MS4A5: variants seen among roughly 807,000 people sequenced by gnomAD.
MS4A5 encodes membrane-spanning 4-domains subfamily A member 5.
MS4A5 carries 15 observed loss-of-function variants against 18.2 expected under a neutral mutation model. The observed-to-expected ratio is 0.83, with a 90% confidence interval of 0.55 to 1.27. The LOEUF is 1.27. Ranked by LOEUF, MS4A5 falls within the 50% of genes most tolerant of loss-of-function variation. MS4A5 has a pLI of 0.00. For synonymous variants in MS4A5, 89 were observed against 78.7 expected, an observed-to-expected ratio of 1.13 and a Z score of -0.69; for missense variants, 232 against 225.7, an observed-to-expected ratio of 1.03 and a Z score of -0.18.
chr11:60,438,018 G>C (rs1346762072), intron 4 of MS4A5, among the ~76,000 whole-genome samples: 1 of 151,982 alleles, frequency 6.6e-6, no homozygotes, highest in African/African-American at 2.4e-5. Flanking sequence ...ACCACATATT[G>C]GGAAGTAAAG....
At chr11:60,447,260 C>T (rs571182033) in intron 4 of MS4A5, among the ~76,000 whole-genome samples, 4 of 151,340 alleles carry the variant, frequency 2.6e-5, no homozygotes, top group Non-Finnish European at 5.9e-5. Flanking sequence ...CTATGCTATG[C>T]TATCCTATGG....
At chr11:60,442,931 A>G (rs1235575446) in intron 4 of MS4A5, among the ~76,000 whole-genome samples, 1 of 152,206 alleles carries the variant, frequency 6.6e-6, no homozygotes, top group Non-Finnish European at 1.5e-5. Flanking sequence ...ACTTGAGGTC[A>G]GGAGTTTGAG....
At position 60,435,295 on chromosome 11, in the gene MS4A5, C is replaced by T. The variant is rs148736219; in HGVS notation, c.492+1378C>T. 365 of 413,890 alleles carry T rather than the reference C, an allele frequency of 8.8e-4. 2 individuals carry two copies. Among genetic ancestry groups the T allele is most frequent in the East Asian group, 6.2e-3 (81 of 13,058 alleles). The allele number at this position is 413,890 out of a possible 1,614,324, so 25.6% of individuals were successfully genotyped here. A position where few individuals can be genotyped will look rare whatever the true frequency, so the allele number is the denominator to read the frequency against. ...AGGCCTAAAAAGAAATAAGACAATGCGAATAACAACTAATAGAAACAGAAC... is the reference window on the plus strand; with the variant it reads ...AGGCCTAAAAAGAAATAAGACAATGTGAATAACAACTAATAGAAACAGAAC... On this transcript the variant is annotated intron_variant, in intron 4 of 4. Transcript: ENST00000300190.
Position 60,432,355 on chromosome 11 carries a change from A to G in MS4A5, c.283-56A>G, listed in dbSNP as rs1035194636. On this transcript the variant is annotated intron_variant, in intron 2 of 4. Transcript: ENST00000300190. Reference sequence around the variant, plus strand: ...GAAATGCATAGAGGTCTATTCTGTAAGAACTCAACATCAGCTAAACATGGT... The same window carrying G: ...GAAATGCATAGAGGTCTATTCTGTAGGAACTCAACATCAGCTAAACATGGT... 1.3e-5 allele frequency: 15 copies of G among 1,193,224 alleles called. 1 individual carries two copies. The South Asian group carries it at 2.0e-4, about 16-fold the overall frequency. 73.9% of individuals were successfully genotyped at this position (1,193,224 alleles called of 1,614,324 possible). A position where few individuals can be genotyped will look rare whatever the true frequency, so the allele number is the denominator to read the frequency against.
intron 1 of MS4A5, 50 bp downstream of exon 1, chr11:60,429,877 TA>T: frequency 6.5e-7 from 1 of 1,544,320 alleles, no homozygotes; most frequent in Admixed American, 1.8e-5. Flanking sequence ...GGGGAAAGGC[TA>T]GGGAAATTAT....
At chr11:60,446,676 T>G (rs907211740) in intron 4 of MS4A5, among the ~76,000 whole-genome samples, 1 of 150,148 alleles carries the variant, frequency 6.7e-6, no homozygotes, top group Non-Finnish European at 1.5e-5. Flanking sequence ...GAGGTTGCAG[T>G]GAGCCGAGAT....
intron 4 of MS4A5, among the ~76,000 whole-genome samples, chr11:60,436,228 G>C (rs1383201861): frequency 2.0e-5 from 3 of 150,574 alleles, no homozygotes; most frequent in Non-Finnish European, 3.0e-5. Flanking sequence ...TCTGTTAGAA[G>C]GAAAACTAAC....
chr11:60,447,662 C>T lies in MS4A5; in HGVS notation c.506C>T (p.Thr169Ile), dbSNP rs201542522. The T allele has an allele frequency of 3.8e-6, 6 of 1,574,392 alleles. No individual in the cohort carries two copies. In the Admixed American group the frequency reaches 1.2e-4, roughly 32 times the overall value. The change falls in exon 5 of 5, where the codon ACA becomes ATA. Residue 169 changes from threonine (T) to isoleucine (I), a missense_variant. Coordinates refer to ENST00000300190, the MANE Select transcript of MS4A5 (RefSeq NM_023945.3). ...CTTCTATTACAGGGAATTTTGATTA[C>T]ATTGATGACTTTCAGCATTATTGAA... ...VTVLFLGILITLMTFSIIELF... is the reference protein window; with the variant it reads ...VTVLFLGILIILMTFSIIELF...
intron 1 of MS4A5, among the ~76,000 whole-genome samples, chr11:60,430,292 C>T (rs11230311): frequency 0.57 from 86,691 of 151,464 alleles, 25,200 homozygotes; most frequent in Non-Finnish European, 0.61. Flanking sequence ...ATGGAGAGTC[C>T]TCTGGGCCTG....
chr11:60,436,049 A>G (rs2086078476), intron 4 of MS4A5, among the ~76,000 whole-genome samples: 1 of 152,158 alleles, frequency 6.6e-6, no homozygotes, highest in South Asian at 2.1e-4. Context: ...AGCTTTGAAG[A>G]GAGCAGTGGT....
At chr11:60,443,466 G>A (rs953873532) in intron 4 of MS4A5, among the ~76,000 whole-genome samples, 19 of 151,844 alleles carry the variant, frequency 1.3e-4, no homozygotes, top group Non-Finnish European at 2.4e-4. Flanking sequence ...TACAACTAAA[G>A]TGTGCTTAGA....
intron 4 of MS4A5, among the ~76,000 whole-genome samples, chr11:60,438,808 G>A (rs896807723): frequency 7.3e-6 from 1 of 136,446 alleles, no homozygotes; most frequent in East Asian, 2.3e-4. Context: ...AAAGAGTCCA[G>A]GACCAGATGG....
At chr11:60,442,984 T>C (rs1475344514) in intron 4 of MS4A5, among the ~76,000 whole-genome samples, 1 of 151,902 alleles carries the variant, frequency 6.6e-6, no homozygotes, top group East Asian at 1.9e-4. Flanking sequence ...CTACTAAAAA[T>C]ACAAAAATTA....
chr11:60,431,018 C>A, intron 2 of MS4A5, 94 bp downstream of exon 2: 1 of 1,439,078 alleles, frequency 6.9e-7, no homozygotes. Flanking sequence ...AGTTGTATGA[C>A]ATGCTTTCAA....
At chr11:60,438,276 A>T (rs1233711278) in intron 4 of MS4A5, among the ~76,000 whole-genome samples, 1 of 152,334 alleles carries the variant, frequency 6.6e-6, no homozygotes, top group African/African-American at 2.4e-5. Flanking sequence ...TCAAAGCAGG[A>T]TGTAGAGGGA....
intron 3 of MS4A5, 38 bp from the exon 4 acceptor site, chr11:60,433,727 G>T: frequency 6.2e-7 from 1 of 1,601,810 alleles, no homozygotes; most frequent in South Asian, 1.1e-5. Flanking sequence ...GTACAGGCTG[G>T]ACCTCAGTCA....
intron 3 of MS4A5, 30 bp from the exon 4 acceptor site, chr11:60,433,735 T>C: frequency 1.2e-6 from 2 of 1,608,922 alleles, no homozygotes; most frequent in Non-Finnish European, 1.7e-6. Flanking sequence ...TGGACCTCAG[T>C]CACATTGTTA....
At chr11:60,435,784 C>G (rs1228616405) in intron 4 of MS4A5, among the ~76,000 whole-genome samples, 1 of 151,930 alleles carries the variant, frequency 6.6e-6, no homozygotes, top group Non-Finnish European at 1.5e-5. Context: ...GGGTCCTATG[C>G]CCACGGAGTC....
intron 4 of MS4A5, among the ~76,000 whole-genome samples, chr11:60,441,447 A>G (rs1302629518): frequency 8.4e-6 from 1 of 119,394 alleles, no homozygotes; most frequent in Admixed American, 1.0e-4. Flanking sequence ...AGAAAAAGAA[A>G]AAGGCCATTA....
Sources: gnomAD v4.1 joint callset for allele counts (sites outside exome capture counted in the v4.1 genomes callset) on GRCh38, gnomAD v4.1.1 for gene constraint, MANE v1.5 for transcripts, NCBI Gene and HGNC (gene_info 2026-07-23, HGNC 2026-07-21) for gene names.